SETD4: variants seen among roughly 807,000 people sequenced by gnomAD.
SETD4 encodes the protein SET domain-containing protein 4.
SETD4 carries 46 observed loss-of-function variants against 58.3 expected under a neutral mutation model. That is an observed-to-expected ratio of 0.79 (90% CI 0.62 to 1.01). The LOEUF (loss-of-function observed/expected upper bound fraction) is 1.01. Ranked by LOEUF, SETD4 falls within the 50% of genes least tolerant of loss-of-function variation. The pLI, the probability that SETD4 is intolerant of heterozygous loss-of-function variation, is 0.00. For synonymous variants in SETD4, 190 were observed against 202.6 expected (o/e 0.94, Z 0.53); for missense variants, 490 against 523.3 (o/e 0.94, Z 0.62).
intron 4 of SETD4, chr21:36,050,462 G>C (rs933875343): frequency 1.5e-5 from 25 of 1,613,966 alleles, no homozygotes; most frequent in Non-Finnish European, 2.0e-5. Flanking sequence ...CAACCCCTTG[G>C]GTGCAAAGTG....
At chr21:36,038,353 C>T (rs1420336761) in intron 9 of SETD4, 80 bp from the exon 10 acceptor site, 18 of 1,489,102 alleles carry the variant, frequency 1.2e-5, no homozygotes, top group Non-Finnish European at 1.6e-5. Flanking sequence ...AACACATAAA[C>T]TCCTTCTCCT....
chr21:36,057,387 T>C (rs1326248853), intron 2 of SETD4, 183 bp from the exon 3 acceptor site: 4 of 723,032 alleles, frequency 5.5e-6, no homozygotes, highest in Middle Eastern at 2.3e-4. Context: ...GACTCACTTC[T>C]GTATTCCCAG....
In SETD4 at chr21:36,036,196, TC is replaced by T; in HGVS notation, c.1243del (p.Glu415AsnfsTer8). The T allele has an allele frequency of 6.2e-7, 1 of 1,613,694 alleles. No homozygotes were observed. The highest frequency in any genetic ancestry group is 8.5e-7 in the Non-Finnish European group (1 of 1,179,908). On this transcript the variant is annotated frameshift_variant, in exon 11 of 12. Coordinates refer to ENST00000332131, the MANE Select transcript of SETD4 (RefSeq NM_017438.5). LOFTEE classifies it high-confidence loss of function. ...CTTTAGCTCTTCCGTCCACAAGGAT[TC>T]CACCAAAGTTAGTTGGTTTATCAGG... ...EALINQLTLV[E>X]SLWTEELKIL...
chr21:36,041,856 T>C lies in SETD4; in HGVS notation c.934A>G (p.Lys312Glu), dbSNP rs757676197. ...ILVKYLPSTD[K>E]QMDKKISILK... ...ATAGAAATCTTTTTGTCCATCTGTT[T>C]ATCTGTTGATGGAAGATATTTAACA... The change falls in exon 8 of 12, where the codon AAA (lysine) becomes GAA (glutamate). Residue 312 changes from lysine to glutamate, a missense_variant. Coordinates refer to ENST00000332131, the MANE Select transcript of SETD4 (RefSeq NM_017438.5). 3 of 1,482,122 alleles carry C rather than the reference T, an allele frequency of 2.0e-6. No homozygotes were observed. In the South Asian group the frequency reaches 3.7e-5, roughly 18 times the overall value. 91.8% of individuals were successfully genotyped at this position (1,482,122 alleles called of 1,614,324 possible). A position where few individuals can be genotyped will look rare whatever the true frequency, so the allele number is the denominator to read the frequency against.
intron 2 of SETD4, 129 bp from the exon 3 acceptor site, chr21:36,057,333 CA>C: frequency 2.6e-6 from 2 of 783,700 alleles, no homozygotes; most frequent in Non-Finnish European, 2.3e-6. Context: ...TGTATCTAAA[CA>C]TAGAAAAGTT....
In SETD4 at chr21:36,038,158, G is replaced by A. The variant is rs748283252; in HGVS notation, c.1180C>T (p.Leu394Phe). Residue 394 changes from leucine (L) to phenylalanine (F), a missense_variant, in exon 10 of 12, where the codon CTT becomes TTT. Leu to Phe is a conservative substitution (Grantham distance 22). Coordinates refer to ENST00000332131, the MANE Select transcript of SETD4 (RefSeq NM_017438.5). ...ATATTCTAGAAACATACCTTTTGAA[G>A]CACAGCATTAGTCTCTTCTATGAAA... ...YYFIEETNAV[L>F]QKVSHMKDEK... 3.1e-6 allele frequency: 5 copies of A among 1,610,348 alleles called. No homozygotes were observed. The South Asian group carries it at 5.6e-5, about 18-fold the overall frequency.
Position 36,035,713 on chromosome 21 carries a change from C to A in SETD4, c.*280G>T. The A allele has an allele frequency of 4.1e-6, 1 of 241,256 alleles. No individual in the cohort carries two copies. Among genetic ancestry groups the A allele is most frequent in the Non-Finnish European group, 8.2e-6 (1 of 122,300 alleles). 14.9% of individuals were successfully genotyped at this position (241,256 alleles called of 1,614,324 possible). ...GATAGCTGCTGTGTCAGATAAGAAG[C>A]AGGCCCCGTGGTGACAGACCACACA... On this transcript the variant is annotated 3_prime_UTR_variant, in exon 12 of 12. Transcript: ENST00000332131.
intron 9 of SETD4, among the ~76,000 whole-genome samples, chr21:36,039,948 T>C (rs1256009073): frequency 2.0e-5 from 3 of 152,112 alleles, no homozygotes; most frequent in African/African-American, 7.3e-5. Flanking sequence ...CAAGAGGTTC[T>C]CCCTGGATAT....
intron 7 of SETD4, chr21:36,043,391 A>G (rs538557517): frequency 2.4e-6 from 2 of 844,396 alleles, no homozygotes; most frequent in East Asian, 2.1e-4. Context: ...TGATTAACAC[A>G]GTGTCTTACC....
At chr21:36,059,043 G>T in intron 1 of SETD4, 119 bp from the exon 2 acceptor site, 1 of 1,153,812 alleles carries the variant, frequency 8.7e-7, no homozygotes, top group Non-Finnish European at 1.2e-6. Flanking sequence ...GTACCTTTAA[G>T]TATACAAATG....
intron 4 of SETD4, chr21:36,050,971 T>C (rs2064650050): frequency 1.2e-6 from 2 of 1,606,566 alleles, no homozygotes; most frequent in Non-Finnish European, 1.7e-6. Flanking sequence ...GCTATCCAGG[T>C]GTCTAATATC....
Position 36,043,867 on chromosome 21 carries a change from G to GTT in SETD4, c.815_816insAA (p.Tyr272Ter). ...WRKHEEVFIC[Y>*]GPHDNQRLFL... ...ACAGCCGTTGATTATCGTGAGGGCC[G>GTT]TAACAGATGAATACCTCTTCATGCT... is the stretch of plus-strand genomic sequence containing the variant. The change falls in exon 7 of 12, where the codon TAC becomes TAAAC. Residue 272 changes from tyrosine (Y) to a stop codon, truncating the protein, a stop_gained and frameshift_variant. Transcript: ENST00000332131. LOFTEE classifies it high-confidence loss of function. The GTT allele has an allele frequency of 1.2e-6, 2 of 1,614,190 alleles. No individual in the cohort carries two copies. The highest frequency in any genetic ancestry group is 1.7e-6 in the Non-Finnish European group (2 of 1,180,038).
At position 36,045,725 on chromosome 21, in the gene SETD4, T is replaced by C; in HGVS notation, c.583A>G (p.Ser195Gly). The change falls in exon 6 of 12, where the codon AGT (serine) becomes GGT (glycine). Residue 195 changes from serine to glycine, a missense_variant. Ser to Gly is a moderately conservative substitution (Grantham distance 56). Transcript: ENST00000332131. The part of the protein sequence containing the change: ...AEAVDSIFSY[S>G]ALLWAWCTVN... Reference sequence around the variant, plus strand: ...GTGCACCAAGCCCACAGCAGGGCACTGTAGCTGAAGATGCTGTCAACAGCC... The same window carrying C: ...GTGCACCAAGCCCACAGCAGGGCACCGTAGCTGAAGATGCTGTCAACAGCC... The C allele has an allele frequency of 6.2e-7, 1 of 1,614,182 alleles. No individual in the cohort carries two copies. Among genetic ancestry groups the C allele is most frequent in the Non-Finnish European group, 8.5e-7 (1 of 1,180,032 alleles).
intron 4 of SETD4, among the ~76,000 whole-genome samples, chr21:36,052,616 A>C (rs1327966043): frequency 6.6e-6 from 1 of 151,740 alleles, no homozygotes; most frequent in Non-Finnish European, 1.5e-5. Flanking sequence ...ACCATTCCTT[A>C]GCCTAAACAT....
chr21:36,060,031 C>T (rs994073217), intron 1 of SETD4: 32 of 985,536 alleles, frequency 3.2e-5, no homozygotes, highest in Non-Finnish European at 3.9e-5. Context: ...AGTCCTCAAA[C>T]TCTAGCCGTG....
At chr21:36,046,781 T>C (rs2064351837) in intron 5 of SETD4, among the ~76,000 whole-genome samples, 4 of 152,234 alleles carry the variant, frequency 2.6e-5, no homozygotes. Flanking sequence ...TTAGAAAGTT[T>C]TCATCAATCC....
chr21:36,051,408 G>C (rs1056173536), intron 4 of SETD4: 10 of 1,461,546 alleles, frequency 6.8e-6, no homozygotes, highest in Non-Finnish European at 2.7e-6. Context: ...CAAAACCCTT[G>C]TAAAACTTTC....
intron 3 of SETD4, 88 bp from the exon 4 acceptor site, chr21:36,053,708 T>G: frequency 3.1e-6 from 4 of 1,300,218 alleles, no homozygotes; most frequent in Non-Finnish European, 4.4e-6. Context: ...AAATGTGAAC[T>G]TCAAAATTAC....
chr21:36,043,905 A>C lies in SETD4; in HGVS notation c.778T>G (p.Ser260Ala). The C allele has an allele frequency of 2.5e-6, 4 of 1,614,200 alleles. No individual in the cohort carries two copies. Among genetic ancestry groups the C allele is most frequent in the African/African-American group, 1.3e-5 (1 of 75,058 alleles). The change falls in exon 7 of 12, where the codon TCA becomes GCA. Residue 260 changes from serine to alanine, a missense_variant. Transcript: ENST00000332131. ...ACCTCTTCATGCTTTCTCCAACGTGAAGTCGTTCTAATTTCGTAAGAATGA... is the reference window on the plus strand; with the variant it reads ...ACCTCTTCATGCTTTCTCCAACGTGCAGTCGTTCTAATTTCGTAAGAATGA... ...ETHSYEIRTTSRWRKHEEVFI... is the reference protein window; with the variant it reads ...ETHSYEIRTTARWRKHEEVFI...
Sources: gnomAD v4.1 joint callset for allele counts (sites outside exome capture counted in the v4.1 genomes callset) on GRCh38, gnomAD v4.1.1 for gene constraint, MANE v1.5 for transcripts, NCBI Gene and HGNC (gene_info 2026-07-23, HGNC 2026-07-21) for gene names.